The following LOXL2 variants were observed in gnomAD, a reference collection of about 807,000 sequenced individuals.
LOXL2 encodes lysyl oxidase homolog 2.
Under a neutral mutation model 93.0 loss-of-function variants are expected in LOXL2, and 70 were observed. The observed-to-expected ratio is 0.75, with a 90% CI of 0.62 to 0.92. LOXL2 has a LOEUF of 0.92. Among genes scored for constraint, LOXL2 ranks in the 40% least tolerant of loss-of-function variants. The pLI is 0.00. For missense variants in LOXL2, 973 were observed against 1,054.9 expected (o/e 0.92, Z 1.08); for synonymous variants, 438 against 413.2 (o/e 1.06, Z -0.73).
At chr8:23,341,480 T>A (rs1803882577) in intron 3 of LOXL2, 2 of 503,822 alleles carry the variant, frequency 4.0e-6, no homozygotes, top group Non-Finnish European at 7.2e-6. Context: ...CCCATGGGCT[T>A]CTCCTACATC....
At chr8:23,312,443 T>C (rs1803333590) in intron 9 of LOXL2, among the ~76,000 whole-genome samples, 1 of 135,260 alleles carries the variant, frequency 7.4e-6, no homozygotes, top group African/African-American at 2.9e-5. Context: ...TCAAAAAGCT[T>C]ATCCACCATG....
intron 2 of LOXL2, among the ~76,000 whole-genome samples, chr8:23,367,359 A>G (rs966853763): frequency 6.6e-6 from 1 of 152,202 alleles, no homozygotes; most frequent in Non-Finnish European, 1.5e-5. Context: ...AGCTCTTAAA[A>G]CAATTTTTAA....
chr8:23,361,252 T>C lies in LOXL2; in HGVS notation c.356-987A>G, dbSNP rs190607421. ...ATGTAGTATCTCCTTGGTTTTCCCA[T>C]AGCAAGAGGACGAAGTGGCATGATT... On this transcript the variant is annotated intron_variant, in intron 2 of 13. Coordinates refer to ENST00000389131, the MANE Select transcript of LOXL2 (RefSeq NM_002318.3). 7.5e-4 allele frequency among the ~76,000 whole-genome samples: 114 copies of C among 152,230 alleles called. 1 individual carries two copies. The highest frequency in any genetic ancestry group is 2.2e-3 in the African/African-American group (91 of 41,534).
intron 5 of LOXL2, among the ~76,000 whole-genome samples, chr8:23,332,935 A>G (rs1327242811): frequency 6.7e-6 from 1 of 150,302 alleles, no homozygotes; most frequent in African/African-American, 2.4e-5. Flanking sequence ...GGTGTTTCAC[A>G]TAAGTATAAT....
intron 3 of LOXL2, among the ~76,000 whole-genome samples, chr8:23,345,691 G>T (rs902320790): frequency 1.3e-5 from 2 of 152,068 alleles, no homozygotes; most frequent in Non-Finnish European, 2.9e-5. Context: ...AGCCCCAAAA[G>T]TGAAAAGAAA....
At chr8:23,299,579 G>A (rs1803093520) in intron 12 of LOXL2, among the ~76,000 whole-genome samples, 1 of 152,196 alleles carries the variant, frequency 6.6e-6, no homozygotes, top group Non-Finnish European at 1.5e-5. Flanking sequence ...GACATATTCT[G>A]GGAGAGTGTC....
At chr8:23,323,034 G>GT (rs1304336906) in intron 6 of LOXL2, among the ~76,000 whole-genome samples, 1 of 152,220 alleles carries the variant, frequency 6.6e-6, no homozygotes, top group Non-Finnish European at 1.5e-5. Context: ...GAGACAGCTG[G>GT]TATCCAGGCT....
intron 6 of LOXL2, among the ~76,000 whole-genome samples, chr8:23,323,390 G>C (rs1340805544): frequency 1.3e-5 from 2 of 152,208 alleles, no homozygotes; most frequent in Non-Finnish European, 2.9e-5. Flanking sequence ...CCTCCCTCTA[G>C]GGAAGCCCTC....
chr8:23,403,381 C>G (rs1010889775), intron 1 of LOXL2, among the ~76,000 whole-genome samples: 1 of 152,146 alleles, frequency 6.6e-6, no homozygotes, highest in East Asian at 1.9e-4. Context: ...CTCCCGCGCT[C>G]CCAACAGCCT....
chr8:23,359,857 A>C (rs1296470667), intron 3 of LOXL2, among the ~76,000 whole-genome samples: 1 of 151,936 alleles, frequency 6.6e-6, no homozygotes, highest in African/African-American at 2.4e-5. Flanking sequence ...CCCAACCTTC[A>C]CACCTCTGTG....
At chr8:23,335,668 C>A (rs1309110249) in intron 4 of LOXL2, among the ~76,000 whole-genome samples, 1 of 152,092 alleles carries the variant, frequency 6.6e-6, no homozygotes, top group African/African-American at 2.4e-5. Context: ...CCCTGCACGG[C>A]AGGACCCAGT....
At chr8:23,400,304 C>T (rs28535109) in intron 1 of LOXL2, among the ~76,000 whole-genome samples, 222 of 152,212 alleles carry the variant, frequency 1.5e-3, no homozygotes, top group African/African-American at 5.2e-3. Context: ...CTGGGGAGGC[C>T]TCACAATCAT....
chr8:23,305,893 CCT>C (rs1336131960), intron 10 of LOXL2, among the ~76,000 whole-genome samples: 1 of 151,878 alleles, frequency 6.6e-6, no homozygotes, highest in Non-Finnish European at 1.5e-5. Flanking sequence ...CTCACTGCAA[CCT>C]CTGTCTCCCG....
intron 3 of LOXL2, among the ~76,000 whole-genome samples, chr8:23,344,215 G>A (rs1354889065): frequency 6.6e-6 from 1 of 152,250 alleles, no homozygotes; most frequent in African/African-American, 2.4e-5. Flanking sequence ...TTCCTCCGCT[G>A]AATAGGGCTG....
rs1449809542 is a variant in LOXL2 at position 23,313,867 on chromosome 8, A to T, written c.1636+3082T>A. ...CATCAGAGTGAACAGGCAACCTACAAAATGGGAGAAAATTTTGGCAACCTA... is the reference window on the plus strand; with the variant it reads ...CATCAGAGTGAACAGGCAACCTACATAATGGGAGAAAATTTTGGCAACCTA... On this transcript the variant is annotated intron_variant, in intron 9 of 13. Transcript: ENST00000389131. Among the ~76,000 whole-genome samples the T allele has an allele frequency of 2.0e-5, 3 of 151,476 alleles. No homozygotes were observed. The East Asian group carries it at 5.8e-4, about 29-fold the overall frequency.
intron 9 of LOXL2, among the ~76,000 whole-genome samples, chr8:23,315,567 C>G (rs1217251927): frequency 6.6e-6 from 1 of 152,152 alleles, no homozygotes. Context: ...GAGAGAAATT[C>G]CCTTTAATCT....
rs529752831 is a variant in LOXL2, at chr8:23,309,805, C to A, written c.1743G>T (p.Ser581=). The A allele has an allele frequency of 1.3e-5, 21 of 1,603,322 alleles. No individual in the cohort carries two copies. The African/African-American group carries it at 1.9e-4, about 14-fold the overall frequency. ...TGGGGTCGGTCTGCGCGGCTGAGGC[C>A]GAGAGGCAGTTCTCCTCCATGGCAC... ...LQCAMEENCL[S]ASAAQTDPTT... The change falls in exon 10 of 14, where the codon TCG becomes TCT. Residue 581 remains serine, a synonymous_variant. Coordinates refer to ENST00000389131, the MANE Select transcript of LOXL2 (RefSeq NM_002318.3).
chr8:23,300,233 C>T (rs947209168), intron 12 of LOXL2, among the ~76,000 whole-genome samples: 2 of 152,196 alleles, frequency 1.3e-5, no homozygotes, highest in Non-Finnish European at 2.9e-5. Flanking sequence ...GGGGTGGAGG[C>T]GGGGCTGGAA....
At chr8:23,391,967 C>G (rs577050318) in intron 1 of LOXL2, among the ~76,000 whole-genome samples, 4 of 152,236 alleles carry the variant, frequency 2.6e-5, no homozygotes, top group Non-Finnish European at 5.9e-5. Context: ...CCTCCCTATG[C>G]CCTTCCTGCT....
Sources: allele counts gnomAD v4.1 joint callset (sites outside exome capture counted in the v4.1 genomes callset), GRCh38; gene constraint gnomAD v4.1.1; transcripts MANE v1.5; gene names NCBI Gene and HGNC (gene_info 2026-07-23, HGNC 2026-07-21).